The following FSTL5 variants were observed in gnomAD, a reference collection of about 807,000 sequenced individuals.
The protein encoded by FSTL5 is follistatin-related protein 5.
FSTL5 carries 62 observed loss-of-function variants against 89.1 expected under a neutral mutation model. The ratio of observed to expected loss-of-function variants is 0.70; its 90% CI spans 0.57 to 0.86. FSTL5 has a LOEUF of 0.86. FSTL5 is among the 40% of genes least tolerant of loss of function. The probability of loss-of-function intolerance (pLI) is 0.00; values close to 1 mark genes in which losing one functional copy is unlikely to be tolerated. For missense variants in FSTL5, 1,057 were observed against 1,001.6 expected (o/e 1.06, Z -0.75); for synonymous variants, 383 against 346.2 (o/e 1.11, Z -1.18).
At chr4:161,548,876 A>T (rs1340840974) in intron 8 of FSTL5, among the ~76,000 whole-genome samples, 1 of 151,856 alleles carries the variant, frequency 6.6e-6, no homozygotes, top group Non-Finnish European at 1.5e-5. Context: ...ATATTAGAAC[A>T]AATGGTTTAG....
intron 13 of FSTL5, among the ~76,000 whole-genome samples, chr4:161,461,393 C>T (rs569983810): frequency 1.0e-4 from 12 of 119,444 alleles, no homozygotes; most frequent in Admixed American, 3.5e-4. Context: ...ACCTGGGAGG[C>T]GGTCTTGCAG....
chr4:161,842,612 T>TA (rs1375501286), intron 4 of FSTL5, among the ~76,000 whole-genome samples: 16 of 152,062 alleles, frequency 1.1e-4, no homozygotes, highest in Admixed American at 1.0e-3. Context: ...CAAAAATCTT[T>TA]AAAAAATAGT....
chr4:161,586,399 A>G (rs576727524), intron 8 of FSTL5, among the ~76,000 whole-genome samples: 16 of 152,308 alleles, frequency 1.1e-4, no homozygotes, highest in Admixed American at 8.5e-4. Context: ...TCTTCAAAGT[A>G]GTAAATGGCA....
intron 1 of FSTL5, among the ~76,000 whole-genome samples, chr4:162,128,920 CTTT>C (rs11317941): frequency 4.0e-4 from 51 of 128,982 alleles, no homozygotes; most frequent in African/African-American, 5.6e-4. Context: ...CTGTTTGAGA[CTTT>C]TTTTTTTTTT....
intron 12 of FSTL5, among the ~76,000 whole-genome samples, chr4:161,495,672 A>G (rs965356049): frequency 6.6e-6 from 1 of 152,088 alleles, no homozygotes; most frequent in Non-Finnish European, 1.5e-5. Context: ...TTTCTGAGAG[A>G]TTTGATTCTA....
At chr4:162,087,535 G>A (rs909522583) in intron 2 of FSTL5, among the ~76,000 whole-genome samples, 2 of 152,108 alleles carry the variant, frequency 1.3e-5, no homozygotes, top group African/African-American at 4.8e-5. Context: ...AATAGAGGTT[G>A]TCTAACACTC....
chr4:162,043,260 A>G (rs966090006), intron 2 of FSTL5: 1 of 152,152 alleles, frequency 6.6e-6, no homozygotes, highest in Non-Finnish European at 1.5e-5. Flanking sequence ...ATACCTCAAA[A>G]TATTGCAGGA....
chr4:161,496,888 G>A (rs188724024), intron 12 of FSTL5, among the ~76,000 whole-genome samples: 3 of 152,206 alleles, frequency 2.0e-5, no homozygotes. Flanking sequence ...AGTGGTAGCA[G>A]TAGAGGAACA....
chr4:162,163,024 G>C (rs1419884336), intron 1 of FSTL5, among the ~76,000 whole-genome samples: 1 of 152,156 alleles, frequency 6.6e-6, no homozygotes, highest in Non-Finnish European at 1.5e-5. Flanking sequence ...AGTTTCACAA[G>C]TTTTATTTGG....
At chr4:161,788,335 G>T (rs894321563) in intron 4 of FSTL5, among the ~76,000 whole-genome samples, 1 of 152,006 alleles carries the variant, frequency 6.6e-6, no homozygotes, top group African/African-American at 2.4e-5. Context: ...ACCTTATTGT[G>T]CAATAGAACA....
intron 15 of FSTL5, among the ~76,000 whole-genome samples, chr4:161,413,457 G>A (rs1208694015): frequency 6.6e-6 from 1 of 152,078 alleles, no homozygotes; most frequent in Non-Finnish European, 1.5e-5. Flanking sequence ...AAAAAGGCAT[G>A]CTTATACACT....
chr4:161,811,645 G>A (rs1257503051), intron 4 of FSTL5, among the ~76,000 whole-genome samples: 3 of 151,902 alleles, frequency 2.0e-5, no homozygotes, highest in Non-Finnish European at 4.4e-5. Flanking sequence ...TATCAAGCGG[G>A]CTTGAAAAAA....
At chr4:161,662,349 C>G (rs946256095) in intron 6 of FSTL5, among the ~76,000 whole-genome samples, 1 of 151,944 alleles carries the variant, frequency 6.6e-6, no homozygotes, top group African/African-American at 2.4e-5. Context: ...ACACATAACA[C>G]TAAAAATAAT....
At chr4:161,821,466 G>C (rs1730492321) in intron 4 of FSTL5, among the ~76,000 whole-genome samples, 2 of 152,028 alleles carry the variant, frequency 1.3e-5, no homozygotes, top group South Asian at 4.1e-4. Flanking sequence ...CGGGACACAT[G>C]GTGTTTTGTT....
intron 9 of FSTL5, among the ~76,000 whole-genome samples, chr4:161,539,868 T>A (rs1213569867): frequency 6.6e-6 from 1 of 151,610 alleles, no homozygotes; most frequent in African/African-American, 2.4e-5. Flanking sequence ...ACCTTCTTGT[T>A]TTATATAAGA....
chr4:161,523,744 T>A (rs971695406), intron 10 of FSTL5, among the ~76,000 whole-genome samples: 1 of 152,182 alleles, frequency 6.6e-6, no homozygotes, highest in African/African-American at 2.4e-5. Context: ...ATTTGTCTTA[T>A]AAACTTTGCT....
chr4:161,933,543 G>A (rs1734349192), intron 3 of FSTL5, among the ~76,000 whole-genome samples: 1 of 150,470 alleles, frequency 6.6e-6, no homozygotes, highest in South Asian at 2.1e-4. Context: ...ATTTTTGTAG[G>A]AGAAAAACAT....
chr4:161,754,045 TAAA>T (rs10649973), intron 6 of FSTL5, among the ~76,000 whole-genome samples: 30 of 85,050 alleles, frequency 3.5e-4, no homozygotes, highest in African/African-American at 1.3e-3. Context: ...CCGTCTCAAT[TAAA>T]AAAAAAAAAA....
chr4:161,892,424 A>C (rs1351925953), intron 4 of FSTL5, among the ~76,000 whole-genome samples: 1 of 152,034 alleles, frequency 6.6e-6, no homozygotes, highest in African/African-American at 2.4e-5. Context: ...AAAGTTAGTT[A>C]ATTTTATATT....
Sources: gnomAD v4.1 joint callset for allele counts (sites outside exome capture counted in the v4.1 genomes callset) on GRCh38, gnomAD v4.1.1 for gene constraint, MANE v1.5 for transcripts, NCBI Gene and HGNC (gene_info 2026-07-23, HGNC 2026-07-21) for gene names.